ARB2A: variants seen among roughly 807,000 people sequenced by gnomAD.
ARB2A encodes cotranscriptional regulator ARB2A.
chr5:93,978,983 T>C, the ARB2A span, among the ~76,000 whole-genome samples: 1 of 152,062 alleles, frequency 6.6e-6, no homozygotes, highest in East Asian at 1.9e-4. Context: ...AATAATGTAC[T>C]GCATGTTAAG....
the ARB2A span, among the ~76,000 whole-genome samples, chr5:93,725,980 C>T: frequency 6.6e-6 from 1 of 152,006 alleles, no homozygotes; most frequent in Admixed American, 6.6e-5. Flanking sequence ...ACATAGCAGG[C>T]CTCAGGCTTT....
chr5:93,770,858 C>A, the ARB2A span, among the ~76,000 whole-genome samples: 3 of 152,148 alleles, frequency 2.0e-5, no homozygotes, highest in Admixed American at 6.5e-5. Context: ...GAATCAATAT[C>A]ATGAAAGTGG....
the ARB2A span, among the ~76,000 whole-genome samples, chr5:94,098,617 G>A: frequency 6.6e-6 from 1 of 151,846 alleles, no homozygotes; most frequent in African/African-American, 2.4e-5. Context: ...TAGAAGACAA[G>A]CAATAACAAA....
At chr5:93,928,249 T>C in the ARB2A span, among the ~76,000 whole-genome samples, 1 of 152,168 alleles carries the variant, frequency 6.6e-6, no homozygotes, top group Non-Finnish European at 1.5e-5. Flanking sequence ...GAGGCAGTTT[T>C]AGAGTTCGAT....
At chr5:93,686,284 C>T in the ARB2A span, among the ~76,000 whole-genome samples, 2 of 152,170 alleles carry the variant, frequency 1.3e-5, no homozygotes, top group Admixed American at 1.3e-4. Flanking sequence ...CTACTCAAGT[C>T]CAACTGTAAT....
chr5:93,853,049 G>A, the ARB2A span, among the ~76,000 whole-genome samples: 2 of 152,190 alleles, frequency 1.3e-5, no homozygotes, highest in Non-Finnish European at 2.9e-5. Context: ...ACCTTGGGCA[G>A]TATGGCCATT....
At chr5:93,654,155 C>T in the ARB2A span, among the ~76,000 whole-genome samples, 10 of 152,048 alleles carry the variant, frequency 6.6e-5, no homozygotes, top group Non-Finnish European at 1.0e-4. Flanking sequence ...AAATGAAAAC[C>T]GGTGAGTCTG....
chr5:94,035,779 T>C, the ARB2A span, among the ~76,000 whole-genome samples: 12 of 152,212 alleles, frequency 7.9e-5, no homozygotes, highest in African/African-American at 2.6e-4. Flanking sequence ...CACCGCATGT[T>C]CTCACTCATA....
At chr5:93,897,759 C>T in the ARB2A span, among the ~76,000 whole-genome samples, 3 of 151,682 alleles carry the variant, frequency 2.0e-5, no homozygotes, top group Admixed American at 2.0e-4. Flanking sequence ...ACTTGCTTTT[C>T]TGTGTATACT....
At chr5:93,738,535 G>C in the ARB2A span, 1 of 152,130 alleles carries the variant, frequency 6.6e-6, no homozygotes, top group African/African-American at 2.4e-5. Flanking sequence ...TAGCCCATTG[G>C]CTATTAATGA....
At chr5:93,852,817 TCTGTTTTGGTACCAGTACCATG>T in the ARB2A span, among the ~76,000 whole-genome samples, 1 of 152,198 alleles carries the variant, frequency 6.6e-6, no homozygotes, top group Non-Finnish European at 1.5e-5. Flanking sequence ...GATCTAGTTC[TCTGTTTTGGTACCAGTACCATG>T]CTGTTTTGGT....
At chr5:94,087,484 T>C in the ARB2A span, among the ~76,000 whole-genome samples, 9 of 152,368 alleles carry the variant, frequency 5.9e-5, no homozygotes, top group East Asian at 1.7e-3. Context: ...AAACTAGTTG[T>C]ATATATTTCA....
At chr5:94,083,149 A>G in the ARB2A span, among the ~76,000 whole-genome samples, 1 of 152,226 alleles carries the variant, frequency 6.6e-6, no homozygotes, top group Non-Finnish European at 1.5e-5. Flanking sequence ...CAACACAAGG[A>G]CACTTTGCTG....
At chr5:94,050,982 T>A in the ARB2A span, 3 of 587,228 alleles carry the variant, frequency 5.1e-6, no homozygotes, top group Non-Finnish European at 8.7e-6. Flanking sequence ...GATGTCACTA[T>A]GATGCAAACA....
At chr5:94,051,851 G>A in the ARB2A span, among the ~76,000 whole-genome samples, 2 of 151,944 alleles carry the variant, frequency 1.3e-5, no homozygotes, top group Non-Finnish European at 2.9e-5. Flanking sequence ...ATGGAGTCTC[G>A]CTCTGTCACC....
the ARB2A span, among the ~76,000 whole-genome samples, chr5:93,624,883 T>A: frequency 6.6e-6 from 1 of 152,216 alleles, no homozygotes; most frequent in Non-Finnish European, 1.5e-5. Context: ...GTTTTACAGA[T>A]AATCTTAAAA....
the ARB2A span, among the ~76,000 whole-genome samples, chr5:93,955,569 C>T: frequency 2.6e-5 from 4 of 152,132 alleles, no homozygotes; most frequent in Non-Finnish European, 5.9e-5. Flanking sequence ...AAAACTAATA[C>T]CTAGATCACT....
the ARB2A span, among the ~76,000 whole-genome samples, chr5:93,655,309 A>T: frequency 6.6e-6 from 1 of 152,190 alleles, no homozygotes; most frequent in African/African-American, 2.4e-5. Context: ...GACCATGTAA[A>T]TATATAAACT....
At chr5:93,776,020 T>C in the ARB2A span, 12 of 684,536 alleles carry the variant, frequency 1.8e-5, no homozygotes, top group African/African-American at 3.6e-5. Context: ...ATTCTACCCA[T>C]GCATAACATT....
Sources: gnomAD v4.1 joint callset for allele counts (sites outside exome capture counted in the v4.1 genomes callset) on GRCh38, gnomAD v4.1.1 for gene constraint, MANE v1.5 for transcripts, NCBI Gene and HGNC (gene_info 2026-07-23, HGNC 2026-07-21) for gene names.